TENM3: variants seen among roughly 807,000 people sequenced by gnomAD.
TENM3 encodes teneurin transmembrane protein 3.
A neutral mutation model predicts 255.1 loss-of-function variants in TENM3; 63 were observed. That is an observed-to-expected ratio of 0.25 (90% CI 0.20 to 0.30). TENM3 has a LOEUF of 0.30. Ranked by LOEUF, TENM3 falls within the 10% of genes least tolerant of loss-of-function variation. The pLI, the probability that TENM3 is intolerant of heterozygous loss-of-function variation, is 1.00. For synonymous variants in TENM3, 1,306 were observed against 1,322.3 expected (o/e 0.99, Z 0.27); for missense variants, 2,929 against 3,461.1 (o/e 0.85, Z 3.86).
intron 3 of TENM3, among the ~76,000 whole-genome samples, chr4:182,580,579 G>A (rs1296521990): frequency 6.6e-6 from 1 of 151,776 alleles, no homozygotes; most frequent in African/African-American, 2.4e-5. Flanking sequence ...CATTAGATCT[G>A]CCAGGTTATA....
the TENM3 span, among the ~76,000 whole-genome samples, chr4:181,840,424 A>C: frequency 6.6e-6 from 1 of 152,046 alleles, no homozygotes; most frequent in Non-Finnish European, 1.5e-5. Flanking sequence ...TATAAACCAG[A>C]TTTCTCAGGA....
the TENM3 span, among the ~76,000 whole-genome samples, chr4:181,791,428 T>C: frequency 6.6e-6 from 1 of 152,150 alleles, no homozygotes; most frequent in African/African-American, 2.4e-5. Context: ...TTTTATAAAA[T>C]GAAACATGAA....
chr4:182,537,953 T>A (rs566067590), intron 3 of TENM3, among the ~76,000 whole-genome samples: 2 of 152,332 alleles, frequency 1.3e-5, no homozygotes, highest in East Asian at 3.9e-4. Context: ...GTTTGTAATC[T>A]TCCCAGTGAT....
At chr4:181,594,024 T>C in the TENM3 span, among the ~76,000 whole-genome samples, 4 of 150,872 alleles carry the variant, frequency 2.7e-5, no homozygotes, top group African/African-American at 9.7e-5. Flanking sequence ...AAATTGGTGG[T>C]GGCTGCTTCA....
the TENM3 span, among the ~76,000 whole-genome samples, chr4:181,609,819 G>C: frequency 2.6e-5 from 4 of 152,172 alleles, no homozygotes; most frequent in Admixed American, 6.5e-5. Flanking sequence ...TTTAACAAAT[G>C]TATGAGGCGC....
intron 3 of TENM3, among the ~76,000 whole-genome samples, chr4:182,531,299 GAT>G (rs1739758860): frequency 6.6e-6 from 1 of 152,118 alleles, no homozygotes; most frequent in Non-Finnish European, 1.5e-5. Flanking sequence ...TAAATAAAAA[GAT>G]AGTAATGGGG....
At chr4:182,270,638 G>T (rs927303609) in intron 1 of TENM3, among the ~76,000 whole-genome samples, 2 of 152,006 alleles carry the variant, frequency 1.3e-5, no homozygotes, top group African/African-American at 4.8e-5. Context: ...TTTATTTTTG[G>T]TTTACAAAAT....
At chr4:182,599,092 C>G (rs1747564314) in intron 3 of TENM3, among the ~76,000 whole-genome samples, 1 of 152,146 alleles carries the variant, frequency 6.6e-6, no homozygotes, top group South Asian at 2.1e-4. Flanking sequence ...TCTAGGCCCT[C>G]ATAACTATAG....
chr4:182,502,631 C>T (rs1245842426), intron 3 of TENM3, among the ~76,000 whole-genome samples: 1 of 151,942 alleles, frequency 6.6e-6, no homozygotes, highest in Admixed American at 6.6e-5. Context: ...ATTTATTTGT[C>T]ATAACATGCT....
intron 1 of TENM3, among the ~76,000 whole-genome samples, chr4:182,307,051 G>A (rs1264486859): frequency 1.3e-5 from 2 of 152,208 alleles, no homozygotes; most frequent in African/African-American, 4.8e-5. Flanking sequence ...CCAATGAAAT[G>A]TGGCTATTTT....
At chr4:182,215,307 G>A (rs141515418) in intron 1 of TENM3, among the ~76,000 whole-genome samples, 31 of 152,222 alleles carry the variant, frequency 2.0e-4, no homozygotes, top group African/African-American at 5.5e-4. Flanking sequence ...AAAAGATGAC[G>A]CCTCCAGAAT....
chr4:182,358,871 T>G (rs1765747155), intron 3 of TENM3, among the ~76,000 whole-genome samples: 1 of 151,478 alleles, frequency 6.6e-6, no homozygotes, highest in Non-Finnish European at 1.5e-5. Flanking sequence ...TAGATAGCTC[T>G]TATTATTTTG....
intron 3 of TENM3, among the ~76,000 whole-genome samples, chr4:182,564,889 G>T (rs1263920748): frequency 6.6e-6 from 1 of 151,994 alleles, no homozygotes; most frequent in African/African-American, 2.4e-5. Flanking sequence ...CCCCCTCTTA[G>T]CTTTTATGTC....
At chr4:181,633,833 A>G in the TENM3 span, among the ~76,000 whole-genome samples, 1 of 152,232 alleles carries the variant, frequency 6.6e-6, no homozygotes, top group African/African-American at 2.4e-5. Flanking sequence ...CCACACAACC[A>G]GGACACTAAA....
chr4:181,899,111 A>G, the TENM3 span, among the ~76,000 whole-genome samples: 3 of 151,992 alleles, frequency 2.0e-5, no homozygotes, highest in Non-Finnish European at 4.4e-5. Context: ...AATACCAATA[A>G]TTTGGGCTAA....
chr4:181,457,831 T>G, the TENM3 span, among the ~76,000 whole-genome samples: 1 of 152,034 alleles, frequency 6.6e-6, no homozygotes, highest in Non-Finnish European at 1.5e-5. Context: ...CTGTAATTAT[T>G]AAAAAGGTTT....
In TENM3 at chr4:182,210,863, C is replaced by T. The variant is rs551551606; in HGVS notation, c.-76+66109C>T. Among the ~76,000 whole-genome samples, 5 of 152,248 alleles carry T rather than the reference C, an allele frequency of 3.3e-5. No individual in the cohort carries two copies. In the East Asian group the frequency reaches 7.7e-4, roughly 23 times the overall value. ...GTCTAGGTACCCTCTCTCCGTAGAC[C>T]GGTGTGTATCACAGAAGATGACCCT... On this transcript the variant is annotated intron_variant, in intron 1 of 2. Transcript: ENST00000512480.
the TENM3 span, among the ~76,000 whole-genome samples, chr4:182,062,257 C>A: frequency 6.6e-6 from 1 of 152,166 alleles, no homozygotes; most frequent in Non-Finnish European, 1.5e-5. Flanking sequence ...AAAGCTCCAA[C>A]TATGCAAAGA....
chr4:182,232,041 T>G (rs1756615656), intron 1 of TENM3, among the ~76,000 whole-genome samples: 1 of 152,214 alleles, frequency 6.6e-6, no homozygotes, highest in African/African-American at 2.4e-5. Flanking sequence ...ACACTTCCAA[T>G]TCAGGAGTCC....
Sources: allele counts gnomAD v4.1 joint callset (sites outside exome capture counted in the v4.1 genomes callset), GRCh38; gene constraint gnomAD v4.1.1; transcripts MANE v1.5; gene names NCBI Gene and HGNC (gene_info 2026-07-23, HGNC 2026-07-21).